Variants in HEATR5B observed in about 807,000 individuals in gnomAD.
HEATR5B encodes the protein HEAT repeat-containing protein 5B.
In HEATR5B, 156 loss-of-function variants were observed where a neutral mutation model predicts 224.1. The observed-to-expected ratio is 0.70, with a 90% CI of 0.61 to 0.80. The LOEUF (loss-of-function observed/expected upper bound fraction) is 0.80. HEATR5B is among the 30% of genes least tolerant of loss of function. HEATR5B has a pLI of 0.00. For synonymous variants in HEATR5B, 1,027 were observed against 893.0 expected (o/e 1.15, Z -2.68); for missense variants, 2,323 against 2,535.5 (o/e 0.92, Z 1.80).
intron 11 of HEATR5B, among the ~76,000 whole-genome samples, chr2:37,061,116 GTATATA>G (rs1401645385): frequency 1.3e-5 from 2 of 152,038 alleles, no homozygotes; most frequent in Non-Finnish European, 2.9e-5. Context: ...ATATACATAT[GTATATA>G]AACAAATATA....
chr2:37,048,552 A>G (rs922931972), intron 18 of HEATR5B, among the ~76,000 whole-genome samples: 2 of 152,204 alleles, frequency 1.3e-5, no homozygotes, highest in Admixed American at 1.3e-4. Context: ...TTTCTAAAGA[A>G]ACATACTCCT....
intron 18 of HEATR5B, among the ~76,000 whole-genome samples, chr2:37,043,192 G>C (rs1234111742): frequency 6.6e-6 from 1 of 152,214 alleles, no homozygotes; most frequent in Non-Finnish European, 1.5e-5. Context: ...AAACAAGTGA[G>C]ATCAAGACCC....
At chr2:37,027,347 C>A (rs1328331693) in intron 24 of HEATR5B, among the ~76,000 whole-genome samples, 1 of 152,114 alleles carries the variant, frequency 6.6e-6, no homozygotes, top group Non-Finnish European at 1.5e-5. Flanking sequence ...GTCTGATGGT[C>A]TCTTTGTAAA....
chr2:37,002,012 CAG>C (rs1476176664), intron 32 of HEATR5B, among the ~76,000 whole-genome samples: 1 of 152,168 alleles, frequency 6.6e-6, no homozygotes. Context: ...GACTGGAAAA[CAG>C]AGTTTAGTTA....
intron 33 of HEATR5B, among the ~76,000 whole-genome samples, chr2:36,996,042 C>G (rs142037809): frequency 6.6e-6 from 1 of 150,746 alleles, no homozygotes; most frequent in Admixed American, 6.7e-5. Context: ...CACGTCACTG[C>G]GCTCAACTAA....
At chr2:37,082,885 T>G (rs1308781658) in intron 2 of HEATR5B, among the ~76,000 whole-genome samples, 1 of 151,856 alleles carries the variant, frequency 6.6e-6, no homozygotes, top group Non-Finnish European at 1.5e-5. Flanking sequence ...AACGAGCTGG[T>G]CTCGGCAAAT....
chr2:36,984,798 G>C (rs1416833787), intron 35 of HEATR5B, among the ~76,000 whole-genome samples: 1 of 152,092 alleles, frequency 6.6e-6, no homozygotes, highest in Non-Finnish European at 1.5e-5. Context: ...GCAAAGGAGA[G>C]ATAAAATTAC....
intron 17 of HEATR5B, among the ~76,000 whole-genome samples, chr2:37,050,150 C>G (rs1026298303): frequency 6.6e-6 from 1 of 152,140 alleles, no homozygotes; most frequent in South Asian, 2.1e-4. Context: ...GCCTGAGCCT[C>G]CTAACATGCT....
intron 5 of HEATR5B, among the ~76,000 whole-genome samples, chr2:37,075,005 G>T (rs1275744887): frequency 3.9e-5 from 6 of 152,204 alleles, no homozygotes; most frequent in South Asian, 2.1e-4. Flanking sequence ...AAACAGTTTT[G>T]TACTTTTCTG....
chr2:37,023,096 ATAAC>A (rs1372210122), intron 24 of HEATR5B, among the ~76,000 whole-genome samples: 5 of 151,030 alleles, frequency 3.3e-5, no homozygotes, highest in Middle Eastern at 3.4e-3. Context: ...AAGCACGAAA[ATAAC>A]TAAGGGAGAA....
chr2:37,037,792 ATTT>A (rs896927031), intron 21 of HEATR5B, 60 bp downstream of exon 21: 1 of 1,207,980 alleles, frequency 8.3e-7, no homozygotes, highest in Non-Finnish European at 1.1e-6. Context: ...TCCATAAAAA[ATTT>A]TTTAAATGTA....
At chr2:37,003,443 TA>T in intron 31 of HEATR5B, 98 bp downstream of exon 31, 4 of 892,792 alleles carry the variant, frequency 4.5e-6, no homozygotes, top group Non-Finnish European at 6.6e-6. Flanking sequence ...CTCTAAAAAA[TA>T]AAATAAGAAC....
chr2:36,982,863 T>TAC (rs3836070), intron 35 of HEATR5B, among the ~76,000 whole-genome samples: 18,499 of 125,870 alleles, frequency 0.15, 1,488 homozygotes, highest in Non-Finnish European at 0.17. Flanking sequence ...CAGACACAGA[T>TAC]ACACACACAC....
At chr2:37,000,028 C>T (rs1227840064) in intron 33 of HEATR5B, among the ~76,000 whole-genome samples, 1 of 151,528 alleles carries the variant, frequency 6.6e-6, no homozygotes, top group Non-Finnish European at 1.5e-5. Flanking sequence ...ACAAAACAAA[C>T]AAACAAAAAC....
At chr2:37,029,657 T>A (rs2148465116) in intron 22 of HEATR5B, among the ~76,000 whole-genome samples, 1 of 145,956 alleles carries the variant, frequency 6.9e-6, no homozygotes, top group East Asian at 2.1e-4. Flanking sequence ...AGAGTGAAAC[T>A]CCACTGGGCA....
rs1243537262 is a variant in HEATR5B, at chr2:37,037,155, T to TATATATATATATATATATATATATAC, written c.3216+699_3216+700insGTATATATATATATATATATATATAT. 2.9e-4 allele frequency among the ~76,000 whole-genome samples: 40 copies of TATATATATATATATATATATATATAC among 136,926 alleles called. 1 individual carries two copies. Among genetic ancestry groups the TATATATATATATATATATATATATAC allele is most frequent in the African/African-American group, 1.0e-3 (39 of 37,442 alleles). 89.8% of individuals were successfully genotyped at this position (136,926 alleles called of 152,430 possible). On this transcript the variant is annotated intron_variant, in intron 21 of 35. Coordinates refer to ENST00000233099, the MANE Select transcript of HEATR5B (RefSeq NM_019024.3). ...GAAAACTAAAAATGTGATATATATA[T>TATATATATATATATATATATATATAC]ATATTTTGGAGATGGAGTCTTGCTC...
At chr2:37,005,514 G>A (rs1390936379) in intron 30 of HEATR5B, 118 bp downstream of exon 30, 16 of 873,862 alleles carry the variant, frequency 1.8e-5, no homozygotes, top group Non-Finnish European at 2.5e-5. Context: ...GGGAGTCAGT[G>A]TATTCATATC....
At chr2:37,051,195 A>C (rs1301789289) in intron 17 of HEATR5B, among the ~76,000 whole-genome samples, 5 of 152,022 alleles carry the variant, frequency 3.3e-5, no homozygotes, top group African/African-American at 1.2e-4. Flanking sequence ...GTCTCTGCTA[A>C]AAATACAAAA....
intron 33 of HEATR5B, among the ~76,000 whole-genome samples, chr2:36,998,363 C>T (rs553798046): frequency 1.3e-5 from 2 of 152,202 alleles, no homozygotes; most frequent in Admixed American, 6.5e-5. Flanking sequence ...GTATATTTTA[C>T]CAAACACAGC....
Sources: gnomAD v4.1 joint callset for allele counts (sites outside exome capture counted in the v4.1 genomes callset) on GRCh38, gnomAD v4.1.1 for gene constraint, MANE v1.5 for transcripts, NCBI Gene and HGNC (gene_info 2026-07-23, HGNC 2026-07-21) for gene names.